The following AFF2 variants were observed in gnomAD, a reference collection of about 807,000 sequenced individuals.
The protein encoded by AFF2 is AF4/FMR2 family member 2.
AFF2 carries 14 observed loss-of-function variants against 76.9 expected under a neutral mutation model. The ratio of observed to expected loss-of-function variants is 0.18; its 90% CI spans 0.12 to 0.28. AFF2 has a LOEUF of 0.28. AFF2 is among the 10% of genes least tolerant of loss of function. The pLI is 1.00. For missense variants in AFF2, 868 were observed against 1,001.1 expected, an observed-to-expected ratio of 0.87 and a Z score of 1.79; for synonymous variants, 398 against 366.7, an observed-to-expected ratio of 1.09 and a Z score of -0.98.
chrX:148,527,323 T>A lies in AFF2; in HGVS notation c.47+26179T>A, dbSNP rs782536781. ...ATAAGTGCCCCTTTTCTTAAAAAAA[T>A]GTCAAGATAGTGAAAAATAGAACTG... is the stretch of plus-strand genomic sequence containing the variant. On this transcript the variant is annotated intron_variant, in intron 1 of 20. Transcript: ENST00000370460. Among the ~76,000 whole-genome samples the A allele has an allele frequency of 5.3e-5, 6 of 112,314 alleles. 1 individual carries two copies. The South Asian group carries it at 2.2e-3, about 41-fold the overall frequency.
At chrX:148,517,861 C>CAA (rs5904237) in intron 1 of AFF2, among the ~76,000 whole-genome samples, 94 of 97,429 alleles carry the variant, frequency 9.6e-4, no homozygotes, top group East Asian at 5.0e-3. Flanking sequence ...ACTAAAAATA[C>CAA]AAAAAAAAAA....
At chrX:148,957,220 CT>C (rs1228916342) in intron 11 of AFF2, among the ~76,000 whole-genome samples, 2 of 111,505 alleles carry the variant, frequency 1.8e-5, no homozygotes, top group African/African-American at 6.5e-5. Context: ...TCTCAGGGTA[CT>C]TTTTTTAGAG....
intron 2 of AFF2, among the ~76,000 whole-genome samples, chrX:148,652,380 C>T (rs958687409): frequency 2.2e-4 from 25 of 111,453 alleles, no homozygotes; most frequent in African/African-American, 8.2e-4. Flanking sequence ...CTCCAATGAG[C>T]CCCTCTCTGC....
At chrX:148,645,304 T>C (rs2054134299) in intron 1 of AFF2, among the ~76,000 whole-genome samples, 1 of 112,198 alleles carries the variant, frequency 8.9e-6, no homozygotes, top group Non-Finnish European at 1.9e-5. Context: ...ATAACTATCA[T>C]ATGTAACCTT....
chrX:148,924,863 C>T (rs2071633419), intron 9 of AFF2, among the ~76,000 whole-genome samples: 1 of 112,362 alleles, frequency 8.9e-6, no homozygotes, highest in Non-Finnish European at 1.9e-5. Flanking sequence ...TTATCTACCT[C>T]ACATTTTGCC....
intron 1 of AFF2, among the ~76,000 whole-genome samples, chrX:148,610,299 G>A (rs1356169086): frequency 1.8e-5 from 2 of 110,968 alleles, no homozygotes; most frequent in East Asian, 5.7e-4. Flanking sequence ...GGCAGTTAAC[G>A]GCCAATCCAG....
chrX:148,762,949 G>A (rs782683707), intron 3 of AFF2, among the ~76,000 whole-genome samples: 6 of 112,089 alleles, frequency 5.4e-5, no homozygotes, highest in Non-Finnish European at 9.4e-5. Context: ...AAATGCATGT[G>A]GCACGAGGTC....
chrX:148,562,409 G>C (rs782239141), intron 1 of AFF2, among the ~76,000 whole-genome samples: 2 of 111,677 alleles, frequency 1.8e-5, no homozygotes, highest in Non-Finnish European at 3.8e-5. Flanking sequence ...CTTCAGAAAA[G>C]TACAACCTCT....
chrX:148,966,924 C>G lies in AFF2; in HGVS notation c.3048C>G (p.Thr1016=), dbSNP rs782554002. The G allele has an allele frequency of 8.3e-7, 1 of 1,211,578 alleles. No individual in the cohort carries two copies. Among genetic ancestry groups the G allele is most frequent in the South Asian group, 1.8e-5 (1 of 56,958 alleles). Residue 1016 remains threonine (T), a synonymous_variant, in exon 14 of 21, where the codon ACC becomes ACG. Transcript: ENST00000370460. ...CTACTGCCACCGCCACGGCCACCAC[C>G]ACAACTACTACCACTACCATTTCCA... ...VTATATATAT[T]TTTTTTISTI...
At position 148,763,248 on chromosome X, in the gene AFF2, T is replaced by C. The variant is rs190117686; in HGVS notation, c.1042-46628T>C. 2.3e-3 allele frequency among the ~76,000 whole-genome samples: 253 copies of C among 112,219 alleles called. 1 individual carries two copies. The highest frequency in any genetic ancestry group is 7.9e-3 in the African/African-American group (244 of 30,886). ...ATTTAGTGAATTTAATTATACTCCA[T>C]ATTTTACTTCCTGGGCTTTTCCACG... is the stretch of plus-strand genomic sequence containing the variant. On this transcript the variant is annotated intron_variant, in intron 3 of 20. Transcript: ENST00000370460.
intron 3 of AFF2, among the ~76,000 whole-genome samples, chrX:148,695,443 G>A (rs782219241): frequency 5.4e-5 from 6 of 111,922 alleles, no homozygotes; most frequent in Admixed American, 1.9e-4. Flanking sequence ...AATAATCAAC[G>A]CAGGAAATTT....
In AFF2 at chrX:148,934,890, C is replaced by T. The variant is rs782432313; in HGVS notation, c.1398-18690C>T. Among the ~76,000 whole-genome samples the T allele has an allele frequency of 8.1e-5, 9 of 111,328 alleles. No homozygotes were observed. In the East Asian group the frequency reaches 8.5e-4, roughly 10 times the overall value. ...TGCATTTTCAATTGTCATTGAAAGG[C>T]GGAGAGAAGGCTGCAAATAATTTTA... On this transcript the variant is annotated intron_variant, in intron 9 of 20. Coordinates refer to ENST00000370460, the MANE Select transcript of AFF2 (RefSeq NM_002025.4).
intron 3 of AFF2, among the ~76,000 whole-genome samples, chrX:148,710,634 G>A (rs2054955932): frequency 8.9e-6 from 1 of 111,885 alleles, no homozygotes; most frequent in Non-Finnish European, 1.9e-5. Context: ...GAAACAAAAA[G>A]TCTAATATAA....
intron 1 of AFF2, among the ~76,000 whole-genome samples, chrX:148,592,680 A>G (rs1236687710): frequency 1.8e-5 from 2 of 111,359 alleles, no homozygotes; most frequent in African/African-American, 6.5e-5. Flanking sequence ...CTAGCCTGGT[A>G]GAGTGGTCTG....
At chrX:148,752,504 A>G (rs2055514034) in intron 3 of AFF2, among the ~76,000 whole-genome samples, 1 of 111,963 alleles carries the variant, frequency 8.9e-6, no homozygotes, top group Non-Finnish European at 1.9e-5. Context: ...CTAGCCCTGA[A>G]TAGCATCCCA....
At chrX:148,777,992 C>T (rs113163213) in intron 3 of AFF2, among the ~76,000 whole-genome samples, 2,697 of 111,968 alleles carry the variant, frequency 0.024, 83 homozygotes, top group African/African-American at 0.083. Flanking sequence ...GTGGTTTTGT[C>T]ATAAATAGCT....
At position 148,996,078 on chromosome X, in the gene AFF2, A is replaced by G. The variant is rs1603355114; in HGVS notation, c.*4746A>G. The G allele has an allele frequency of 8.9e-6, 1 of 112,829 alleles. No individual in the cohort carries two copies. Among genetic ancestry groups the G allele is most frequent in the East Asian group, 2.8e-4 (1 of 3,605 alleles). 9.3% of individuals were successfully genotyped at this position (112,829 alleles called of 1,213,427 possible). A position where few individuals can be genotyped will look rare whatever the true frequency, so the allele number is the denominator to read the frequency against. On this transcript the variant is annotated 3_prime_UTR_variant, in exon 21 of 21. Coordinates refer to ENST00000370460, the MANE Select transcript of AFF2 (RefSeq NM_002025.4). ...GTCCTGCATCACTCATGTGGCTACG[A>G]AAGTGTCTCTGAGAATAGAGCCCAA...
rs1220525355 is a variant in AFF2, at chrX:148,814,057, T to C, written c.1086+4137T>C. On this transcript the variant is annotated intron_variant, in intron 4 of 20. Coordinates refer to ENST00000370460, the MANE Select transcript of AFF2 (RefSeq NM_002025.4). Reference sequence around the variant, plus strand: ...ACACTTGCTTCCGTCAGCATGCTGTTTACTCTTTAGAGTCAAGCTACCCTC... The same window carrying C: ...ACACTTGCTTCCGTCAGCATGCTGTCTACTCTTTAGAGTCAAGCTACCCTC... 3.6e-5 allele frequency among the ~76,000 whole-genome samples: 4 copies of C among 112,249 alleles called. 1 individual carries two copies. The highest frequency in any genetic ancestry group is 7.5e-5 in the Non-Finnish European group (4 of 53,205).
chrX:148,888,045 C>A (rs782521182), intron 8 of AFF2, among the ~76,000 whole-genome samples: 1 of 111,747 alleles, frequency 8.9e-6, no homozygotes, highest in Non-Finnish European at 1.9e-5. Context: ...CGGCAAAATT[C>A]GCATAACATA....
Sources: gnomAD v4.1 joint callset for allele counts (sites outside exome capture counted in the v4.1 genomes callset) on GRCh38, gnomAD v4.1.1 for gene constraint, MANE v1.5 for transcripts, NCBI Gene and HGNC (gene_info 2026-07-23, HGNC 2026-07-21) for gene names.